LRBA: variants seen among roughly 807,000 people sequenced by gnomAD.
The protein encoded by LRBA is lipopolysaccharide-responsive and beige-like anchor protein.
LRBA carries 176 observed loss-of-function variants against 330.0 expected under a neutral mutation model. The ratio of observed to expected loss-of-function variants is 0.53; its 90% confidence interval spans 0.47 to 0.60. The LOEUF is 0.60. Among genes scored for constraint, LRBA ranks in the 20% least tolerant of loss-of-function variants. The pLI, the probability that LRBA is intolerant of heterozygous loss-of-function variation, is 0.00. For synonymous variants in LRBA, 1,230 were observed against 1,193.0 expected, an observed-to-expected ratio of 1.03 and a Z score of -0.64; for missense variants, 3,259 against 3,444.8, an observed-to-expected ratio of 0.95 and a Z score of 1.35.
intron 48 of LRBA, among the ~76,000 whole-genome samples, chr4:150,347,543 G>A (rs189202738): frequency 6.6e-6 from 1 of 152,128 alleles, no homozygotes; most frequent in Non-Finnish European, 1.5e-5. Flanking sequence ...CTACTCAGGA[G>A]GCTGAGGCAG....
chr4:150,527,163 G>A (rs1310930321), intron 40 of LRBA, among the ~76,000 whole-genome samples: 2 of 152,042 alleles, frequency 1.3e-5, no homozygotes, highest in Admixed American at 6.6e-5. Flanking sequence ...AGATGCAAGC[G>A]TCTCATGAAA....
intron 46 of LRBA, among the ~76,000 whole-genome samples, chr4:150,433,032 G>A (rs1362050866): frequency 6.6e-6 from 1 of 152,142 alleles, no homozygotes; most frequent in Non-Finnish European, 1.5e-5. Context: ...GATGGAGATG[G>A]AGAAGGAGAA....
intron 34 of LRBA, among the ~76,000 whole-genome samples, chr4:150,774,079 T>C (rs952124941): frequency 1.3e-5 from 2 of 152,226 alleles, no homozygotes; most frequent in African/African-American, 2.4e-5. Context: ...TAGACATCTT[T>C]CTATCTTAGA....
intron 47 of LRBA, among the ~76,000 whole-genome samples, chr4:150,362,726 A>T (rs1738891722): frequency 6.6e-6 from 1 of 152,206 alleles, no homozygotes; most frequent in Non-Finnish European, 1.5e-5. Context: ...TTTATCGTAC[A>T]ATCTGCCTCC....
At chr4:150,806,747 T>C (rs983039559) in intron 32 of LRBA, among the ~76,000 whole-genome samples, 9 of 151,928 alleles carry the variant, frequency 5.9e-5, no homozygotes, top group Non-Finnish European at 8.8e-5. Flanking sequence ...ATTTTTCTAT[T>C]TACCACTAAA....
chr4:150,701,055 A>C (rs1351358390), intron 36 of LRBA, among the ~76,000 whole-genome samples: 2 of 152,130 alleles, frequency 1.3e-5, no homozygotes, highest in African/African-American at 4.8e-5. Context: ...TATAAACCTT[A>C]TTCTAGTTTC....
chr4:150,590,732 T>C lies in LRBA; in HGVS notation c.6174A>G (p.Lys2058=). The C allele has an allele frequency of 6.2e-7, 1 of 1,613,744 alleles. No homozygotes were observed. The highest frequency in any genetic ancestry group is 8.5e-7 in the Non-Finnish European group (1 of 1,179,940). The change falls in exon 39 of 57, where the codon AAA becomes AAG. Residue 2058 remains lysine (K), a synonymous_variant. Coordinates refer to ENST00000651943, the MANE Select transcript of LRBA (RefSeq NM_001364905.1). ...DDDTLSSVDE[K]DLENLAGPVS... is the part of the protein sequence containing the mutation. ...ATTTACCGGCAAGATTCTCTAAATC[T>C]TTCTCATCCACGGATGACAGAGTAT...
At chr4:150,908,041 A>G (rs967589867) in intron 11 of LRBA, among the ~76,000 whole-genome samples, 3 of 152,156 alleles carry the variant, frequency 2.0e-5, no homozygotes, top group Non-Finnish European at 4.4e-5. Context: ...TAGTAAAAAA[A>G]ATTTTTAATT....
At chr4:150,938,187 T>A (rs916076457) in intron 2 of LRBA, among the ~76,000 whole-genome samples, 8 of 152,190 alleles carry the variant, frequency 5.3e-5, no homozygotes, top group African/African-American at 1.9e-4. Flanking sequence ...TCTAAAAATG[T>A]CAAAATTGCT....
intron 44 of LRBA, among the ~76,000 whole-genome samples, chr4:150,444,494 T>C (rs1262740214): frequency 6.6e-6 from 1 of 152,228 alleles, no homozygotes; most frequent in African/African-American, 2.4e-5. Context: ...ACAGGCAGCC[T>C]GATCAGCATT....
intron 40 of LRBA, among the ~76,000 whole-genome samples, chr4:150,525,834 T>C (rs1460402636): frequency 6.6e-6 from 1 of 152,164 alleles, no homozygotes; most frequent in Non-Finnish European, 1.5e-5. Context: ...GTTACAGACA[T>C]ACATCTCTTT....
chr4:150,639,417 G>A (rs1778291680), intron 37 of LRBA, among the ~76,000 whole-genome samples: 1 of 146,656 alleles, frequency 6.8e-6, no homozygotes, highest in Admixed American at 6.8e-5. Context: ...AGCAAAACGT[G>A]GGAATAATGA....
chr4:150,820,159 T>C (rs991853970), intron 30 of LRBA, among the ~76,000 whole-genome samples: 1 of 152,030 alleles, frequency 6.6e-6, no homozygotes, highest in East Asian at 1.9e-4. Flanking sequence ...CTAAGGTACA[T>C]ATTAATTCAA....
At position 150,896,416 on chromosome 4, in the gene LRBA, T is replaced by A. The variant is rs748122406; in HGVS notation, c.2045A>T (p.Asn682Ile). The A allele has an allele frequency of 9.0e-6, 14 of 1,551,140 alleles. No individual in the cohort carries two copies. Among genetic ancestry groups the A allele is most frequent in the Non-Finnish European group, 1.2e-5 (14 of 1,131,692 alleles). The change falls in exon 16 of 57, where the codon AAT becomes ATT. Residue 682 changes from asparagine (N) to isoleucine (I), a missense_variant. Asn to Ile is a moderately radical substitution (Grantham distance 149). Coordinates refer to ENST00000651943, the MANE Select transcript of LRBA (RefSeq NM_001364905.1). ...TACCTCATGCATAGTCAGTAGGTAA[T>A]TAAGAATGGCCTGTAATTCATCTTC... The part of the protein sequence containing the change: ...VKEDELQAIL[N>I]YLLTMHEDDN...
At chr4:150,898,977 A>G (rs1217025047) in intron 14 of LRBA, among the ~76,000 whole-genome samples, 6 of 152,212 alleles carry the variant, frequency 3.9e-5, no homozygotes. Context: ...TTTGTAAATC[A>G]CTAAACAACC....
intron 2 of LRBA, 100 bp downstream of exon 2, chr4:151,014,327 G>A (rs1386126124): frequency 1.1e-6 from 1 of 890,100 alleles, no homozygotes; most frequent in Non-Finnish European, 1.7e-6. Flanking sequence ...CACGAAAAAA[G>A]TCACCATCAG....
intron 40 of LRBA, among the ~76,000 whole-genome samples, chr4:150,493,355 CTG>C (rs1389992436): frequency 6.6e-6 from 1 of 152,182 alleles, no homozygotes; most frequent in East Asian, 1.9e-4. Flanking sequence ...AATCTAAGTT[CTG>C]TTGGAGCAAA....
intron 49 of LRBA, among the ~76,000 whole-genome samples, chr4:150,325,338 C>T (rs1353754072): frequency 6.6e-6 from 1 of 152,114 alleles, no homozygotes; most frequent in East Asian, 1.9e-4. Context: ...GTTTGTTATA[C>T]CAAACCATCA....
chr4:150,559,865 TA>T (rs1768008647), intron 40 of LRBA, among the ~76,000 whole-genome samples: 1 of 43,658 alleles, frequency 2.3e-5, no homozygotes, highest in Non-Finnish European at 4.1e-5. Flanking sequence ...TAATTATATA[TA>T]ATATATAATT....
Sources: allele counts gnomAD v4.1 joint callset (sites outside exome capture counted in the v4.1 genomes callset), GRCh38; gene constraint gnomAD v4.1.1; transcripts MANE v1.5; gene names NCBI Gene and HGNC (gene_info 2026-07-23, HGNC 2026-07-21).